RUBCNL: variants seen among roughly 807,000 people sequenced by gnomAD.
The protein encoded by RUBCNL is rubicon like autophagy enhancer.
Under a neutral mutation model 69.5 loss-of-function variants are expected in RUBCNL, and 62 were observed. The ratio of observed to expected loss-of-function variants is 0.89; its 90% CI spans 0.73 to 1.10. The LOEUF is 1.10. Among genes scored for constraint, RUBCNL ranks in the 50% least tolerant of loss-of-function variants. RUBCNL has a pLI of 0.00. For missense variants in RUBCNL, 768 were observed against 798.1 expected, an observed-to-expected ratio of 0.96 and a Z score of 0.45; for synonymous variants, 291 against 303.6, an observed-to-expected ratio of 0.96 and a Z score of 0.43.
At chr13:46,387,947 C>G (rs1391402852), upstream of RUBCNL, 3 of 720,788 alleles carry the variant, frequency 4.2e-6, no homozygotes, top group Non-Finnish European at 5.1e-6. Context: ...GTGGTTCAAG[C>G]CTGTGATCCC....
At chr13:46,347,623 G>C (rs2048275053) in intron 12 of RUBCNL, among the ~76,000 whole-genome samples, 1 of 152,094 alleles carries the variant, frequency 6.6e-6, no homozygotes, top group African/African-American at 2.4e-5. Flanking sequence ...AGCAACCCTA[G>C]TGTCCATGGA....
At chr13:46,382,799 T>C (rs545195007) in intron 1 of RUBCNL, among the ~76,000 whole-genome samples, 1 of 152,232 alleles carries the variant, frequency 6.6e-6, no homozygotes, top group Non-Finnish European at 1.5e-5. Context: ...CCTCCCAAAG[T>C]GCTGGGATTA....
rs866327153 is a variant in RUBCNL, at chr13:46,335,268, T to G, written c.*8117A>C. On this transcript the variant is annotated 3_prime_UTR_variant, in exon 15 of 15. Transcript: ENST00000429979. Reference sequence around the variant, plus strand: ...TTGTTGTTGTTGTTGTTGTTTTTTTTTTTTTTTTTTTTTTTTTAAGAGACA... The same window carrying G: ...TTGTTGTTGTTGTTGTTGTTTTTTTGTTTTTTTTTTTTTTTTTAAGAGACA... Among the ~76,000 whole-genome samples, 13,180 of 135,900 alleles carry G rather than the reference T, an allele frequency of 0.097. 772 individuals are homozygous for G. Among genetic ancestry groups the G allele is most frequent in the Non-Finnish European group, 0.15 (9,164 of 62,078 alleles). The allele number at this position is 135,900 out of a possible 152,430, so 89.2% of individuals were successfully genotyped here.
chr13:46,362,514 G>A (rs1323164121), intron 7 of RUBCNL, 24 bp downstream of exon 7: 2 of 1,570,648 alleles, frequency 1.3e-6, no homozygotes, highest in Admixed American at 1.7e-5. Flanking sequence ...GGGTCTATGT[G>A]CACTGTGCAC....
chr13:46,371,028 T>C (rs2048864824), intron 3 of RUBCNL, among the ~76,000 whole-genome samples: 1 of 152,126 alleles, frequency 6.6e-6, no homozygotes, highest in Non-Finnish European at 1.5e-5. Context: ...TCTTAAGCAA[T>C]GAATAAATGT....
rs148823062 is a variant in RUBCNL, at chr13:46,368,553, C to T, written c.618+180G>A. On this transcript the variant is annotated intron_variant, in intron 4 of 14. Transcript: ENST00000429979. ...AATCACAGAAAACTTTCCAGCTGAG[C>T]ACAGGCACGGCCTCGGAACCCTTCT... 2.1e-5 allele frequency: 20 copies of T among 952,148 alleles called. 1 individual carries two copies. In the East Asian group the frequency reaches 2.3e-3, roughly 110 times the overall value. The allele number at this position is 952,148 out of a possible 1,614,324, so 59.0% of individuals were successfully genotyped here. A position where few individuals can be genotyped will look rare whatever the true frequency, so the allele number is the denominator to read the frequency against.
intron 1 of RUBCNL, among the ~76,000 whole-genome samples, chr13:46,379,070 C>G (rs1231452150): frequency 6.6e-6 from 1 of 152,076 alleles, no homozygotes; most frequent in African/African-American, 2.4e-5. Flanking sequence ...AATGTTAAAT[C>G]TATGAGGGCC....
At chr13:46,386,635 C>T (rs1033460217) in intron 1 of RUBCNL, among the ~76,000 whole-genome samples, 2 of 152,034 alleles carry the variant, frequency 1.3e-5, no homozygotes, top group Non-Finnish European at 2.9e-5. Context: ...GTAGGGCGCC[C>T]GGACCAAATA....
intron 12 of RUBCNL, 117 bp from the exon 13 acceptor site, chr13:46,345,717 A>G (rs2048232980): frequency 1.0e-6 from 1 of 968,032 alleles, no homozygotes; most frequent in Non-Finnish European, 1.5e-6. Flanking sequence ...ACTCAATTTA[A>G]AAAATAAATA....
At position 46,377,991 on chromosome 13, in the gene RUBCNL, C is replaced by G. The variant is rs2049034588; in HGVS notation, c.-224G>C. 1.3e-6 allele frequency: 2 copies of G among 1,560,900 alleles called. No homozygotes were observed. The highest frequency in any genetic ancestry group is 2.7e-5 in the African/African-American group (2 of 73,088). ...AGTAGTGACAGGAGGTCAATATCCCCATTTTTTATTTTATCTGTAAGGCAA... is the reference window on the plus strand; with the variant it reads ...AGTAGTGACAGGAGGTCAATATCCCGATTTTTTATTTTATCTGTAAGGCAA... On this transcript the variant is annotated 5_prime_UTR_variant, in exon 2 of 15. The change abolishes an upstream ATG in the 5' untranslated region. Coordinates refer to ENST00000429979, the MANE Select transcript of RUBCNL (RefSeq NM_025113.5).
upstream of RUBCNL, chr13:46,389,879 T>A (rs2049313454): frequency 6.6e-6 from 1 of 152,242 alleles, no homozygotes; most frequent in African/African-American, 2.4e-5. This position sits in a 1 kb window ranked among gnomAD's most constrained non-coding sequence, Gnocchi z 4.2. Context: ...CCTGATTGGT[T>A]AATTCTGAGA....
rs57533373 is a variant in RUBCNL, at chr13:46,362,931, TATATATAG to T, written c.925+176_925+183del. Among the ~76,000 whole-genome samples, 374 of 48,128 alleles carry T rather than the reference TATATATAG, an allele frequency of 7.8e-3. 41 individuals are homozygous for T. The East Asian group carries it at 0.098, about 13-fold the overall frequency. The allele number at this position is 48,128 out of a possible 152,430, so 31.6% of individuals were successfully genotyped here. ...ATTTGAAACAAGAACATCATATATA[TATATATAG>T]ATATATATATATATATATATATATA... On this transcript the variant is annotated intron_variant, in intron 6 of 14. Coordinates refer to ENST00000429979, the MANE Select transcript of RUBCNL (RefSeq NM_025113.5).
Position 46,372,486 on chromosome 13 carries a change from T to C in RUBCNL, c.-11A>G. On this transcript the variant is annotated 5_prime_UTR_variant, in exon 3 of 15. Coordinates refer to ENST00000429979, the MANE Select transcript of RUBCNL (RefSeq NM_025113.5). ...AGATTGTGACACCATCTTTCCAGGC[T>C]TGTGGCTGGTGTGAATCCATTCAAA... 6.3e-7 allele frequency: 1 copy of C among 1,588,558 alleles called. No individual in the cohort carries two copies. Among genetic ancestry groups the C allele is most frequent in the Non-Finnish European group, 8.6e-7 (1 of 1,167,226 alleles).
In RUBCNL at chr13:46,335,251, G is replaced by GTT. The variant is rs1566532977; in HGVS notation, c.*8132_*8133dup. Among the ~76,000 whole-genome samples, 3 of 103,366 alleles carry GTT rather than the reference G, an allele frequency of 2.9e-5. No homozygotes were observed. Among genetic ancestry groups the GTT allele is most frequent in the African/African-American group, 1.2e-4 (3 of 24,958 alleles). 67.8% of individuals were successfully genotyped at this position (103,366 alleles called of 152,430 possible). On this transcript the variant is annotated 3_prime_UTR_variant, in exon 15 of 15. Coordinates refer to ENST00000429979, the MANE Select transcript of RUBCNL (RefSeq NM_025113.5). ...AGCTAATTTGTGTCTTTTTGTTGTT[G>GTT]TTGTTGTTGTTTTTTTTTTTTTTTT...
At position 46,364,443 on chromosome 13, in the gene RUBCNL, C is replaced by T. The variant is rs145287491; in HGVS notation, c.827-1230G>A. On this transcript the variant is annotated intron_variant, in intron 5 of 14. Coordinates refer to ENST00000429979, the MANE Select transcript of RUBCNL (RefSeq NM_025113.5). ...AAGGGTTTTACAGTAGGCTGGCTGA[C>T]TTTAAGACAGAACCCATTCTAGCTG... Among the ~76,000 whole-genome samples the T allele has an allele frequency of 2.5e-4, 38 of 152,138 alleles. No individual in the cohort carries two copies. The East Asian group carries it at 6.4e-3, about 26-fold the overall frequency.
chr13:46,387,556 G>C, upstream of RUBCNL: 1 of 985,618 alleles, frequency 1.0e-6, no homozygotes, highest in Non-Finnish European at 1.2e-6. Flanking sequence ...TCAAAGACCT[G>C]GCAGAAATGA....
At chr13:46,352,103 C>T (rs142401157) in intron 10 of RUBCNL, among the ~76,000 whole-genome samples, 32 of 152,328 alleles carry the variant, frequency 2.1e-4, no homozygotes, top group Non-Finnish European at 3.4e-4. Flanking sequence ...GTTGGGATTA[C>T]AGGCGTGAGC....
chr13:46,356,620 CATTTGGGAAAGAAATAG>C, intron 9 of RUBCNL, 124 bp from the exon 10 acceptor site: 1 of 734,628 alleles, frequency 1.4e-6, no homozygotes, highest in South Asian at 1.8e-5. Flanking sequence ...TGTCACTTTT[CATTTGGGAAAGAAATAG>C]ATTTATTCAA....
chr13:46,354,588 T>C (rs946832757), intron 10 of RUBCNL, among the ~76,000 whole-genome samples: 1 of 152,224 alleles, frequency 6.6e-6, no homozygotes, highest in African/African-American at 2.4e-5. Flanking sequence ...GGGTTTCTTT[T>C]ACTTGCCACA....
Sources: allele counts gnomAD v4.1 joint callset (sites outside exome capture counted in the v4.1 genomes callset), GRCh38; gene constraint gnomAD v4.1.1; non-coding constraint Gnocchi (gnomAD v3.1); transcripts MANE v1.5; gene names NCBI Gene and HGNC (gene_info 2026-07-23, HGNC 2026-07-21).